RBPMS: variants seen among roughly 807,000 people sequenced by gnomAD.
The protein encoded by RBPMS is RNA-binding protein with multiple splicing.
RBPMS carries 7 observed loss-of-function variants against 26.8 expected under a neutral mutation model. The ratio of observed to expected loss-of-function variants is 0.26; its 90% CI spans 0.15 to 0.49. The LOEUF (loss-of-function observed/expected upper bound fraction) is 0.49. Among genes scored for constraint, RBPMS ranks in the 20% least tolerant of loss-of-function variants. RBPMS has a pLI of 0.98. For missense variants in RBPMS, 186 were observed against 250.0 expected (o/e 0.74, Z 1.73); for synonymous variants, 96 against 93.3 (o/e 1.03, Z -0.17).
chr8:30,526,558 C>T (rs1002138335), intron 5 of RBPMS, among the ~76,000 whole-genome samples: 1 of 152,150 alleles, frequency 6.6e-6, no homozygotes, highest in African/African-American at 2.4e-5. Flanking sequence ...CTGGGAAGCC[C>T]TCAGGTTGCT....
chr8:30,511,889 T>C (rs1821758313), intron 5 of RBPMS, among the ~76,000 whole-genome samples: 1 of 152,162 alleles, frequency 6.6e-6, no homozygotes, highest in Admixed American at 6.5e-5. Context: ...GCATTAACTG[T>C]AAAATGTTAG....
chr8:30,492,572 T>C (rs1044807568), intron 4 of RBPMS, among the ~76,000 whole-genome samples: 2 of 152,190 alleles, frequency 1.3e-5, no homozygotes, highest in African/African-American at 4.8e-5. Context: ...TCCTGGGTTT[T>C]GTACTTGGCA....
At chr8:30,410,593 TATATAA>T (rs1809252888) in intron 1 of RBPMS, among the ~76,000 whole-genome samples, 1 of 151,968 alleles carries the variant, frequency 6.6e-6, no homozygotes, top group Non-Finnish European at 1.5e-5. Context: ...TAGATATGTA[TATATAA>T]ATATAAATAA....
At chr8:30,556,656 A>T in intron 6 of RBPMS, 2 of 986,010 alleles carry the variant, frequency 2.0e-6, no homozygotes, top group Non-Finnish European at 2.4e-6. Flanking sequence ...CTGTGTGTTT[A>T]GGTGTCCAGC....
At chr8:30,491,485 C>T (rs1819385495) in intron 4 of RBPMS, among the ~76,000 whole-genome samples, 1 of 151,966 alleles carries the variant, frequency 6.6e-6, no homozygotes, top group African/African-American at 2.4e-5. Context: ...CTGTTGGGGG[C>T]TGGGGGGCTG....
chr8:30,482,396 A>G (rs771641582), intron 4 of RBPMS, among the ~76,000 whole-genome samples: 1 of 152,212 alleles, frequency 6.6e-6, no homozygotes, highest in Admixed American at 6.5e-5. Context: ...CTTCAGTGTT[A>G]TGAACGACTT....
intron 1 of RBPMS, among the ~76,000 whole-genome samples, chr8:30,416,608 G>A (rs1338802736): frequency 1.3e-5 from 2 of 151,918 alleles, no homozygotes; most frequent in Admixed American, 1.3e-4. Context: ...TCAGCCTCCC[G>A]AGTAGCTGGG....
intron 1 of RBPMS, among the ~76,000 whole-genome samples, chr8:30,414,601 A>T (rs962900381): frequency 2.0e-5 from 3 of 152,248 alleles, no homozygotes; most frequent in Non-Finnish European, 4.4e-5. Flanking sequence ...CCAGACCCAG[A>T]AAACAAATTC....
At chr8:30,428,816 A>G (rs904564452) in intron 1 of RBPMS, among the ~76,000 whole-genome samples, 1 of 151,908 alleles carries the variant, frequency 6.6e-6, no homozygotes, top group Admixed American at 6.6e-5. Context: ...CATGTACACT[A>G]TTTTAATGGT....
intron 4 of RBPMS, among the ~76,000 whole-genome samples, chr8:30,482,774 T>C (rs1423244851): frequency 6.6e-6 from 1 of 152,182 alleles, no homozygotes; most frequent in East Asian, 1.9e-4. Context: ...GACAGCAAAA[T>C]ATCTGACCTA....
chr8:30,490,157 C>T (rs1296215881), intron 4 of RBPMS, among the ~76,000 whole-genome samples: 1 of 152,138 alleles, frequency 6.6e-6, no homozygotes, highest in African/African-American at 2.4e-5. Flanking sequence ...CCTCAAATTC[C>T]AGTGGATTCA....
At position 30,571,308 on chromosome 8, in the gene RBPMS, C is replaced by G. The variant is rs1828242785; in HGVS notation, c.*783C>G. 6.6e-6 allele frequency: 1 copy of G among 152,254 alleles called. No individual in the cohort carries two copies. 9.4% of individuals were successfully genotyped at this position (152,254 alleles called of 1,614,324 possible). ...AAAGCCCTAGTAGCTCCAGCTGTGACTATATCAACTGTGTGCCAAGTGTGA... is the reference window on the plus strand; with the variant it reads ...AAAGCCCTAGTAGCTCCAGCTGTGAGTATATCAACTGTGTGCCAAGTGTGA... On this transcript the variant is annotated 3_prime_UTR_variant, in exon 9 of 9. Transcript: ENST00000397323.
intron 1 of RBPMS, among the ~76,000 whole-genome samples, chr8:30,462,053 C>T (rs1003542657): frequency 1.3e-5 from 2 of 151,616 alleles, no homozygotes; most frequent in African/African-American, 4.8e-5. Flanking sequence ...TGATTAGTAT[C>T]CCATGTTATG....
intron 1 of RBPMS, among the ~76,000 whole-genome samples, chr8:30,422,256 C>T (rs1810882016): frequency 6.6e-6 from 1 of 151,784 alleles, no homozygotes; most frequent in South Asian, 2.1e-4. Context: ...ACTGGGATTA[C>T]AGGCACCCTC....
chr8:30,385,412 G>C, intron 1 of RBPMS: 4 of 348,804 alleles, frequency 1.1e-5, no homozygotes, highest in Non-Finnish European at 2.1e-5. Context: ...GCTCAGCTTT[G>C]TTTGCCCGGG....
chr8:30,559,880 T>C (rs1436908163), intron 7 of RBPMS, among the ~76,000 whole-genome samples: 2 of 152,220 alleles, frequency 1.3e-5, no homozygotes, highest in African/African-American at 4.8e-5. Flanking sequence ...TATTGTAAGA[T>C]AAAAATACTT....
intron 6 of RBPMS, chr8:30,545,095 A>AG (rs1323473814): frequency 2.3e-6 from 3 of 1,332,668 alleles, no homozygotes; most frequent in East Asian, 3.9e-5. Context: ...GAAAGCTTCC[A>AG]GGGGGGAAGG....
In RBPMS at chr8:30,478,501, A is replaced by ATT. The variant is rs199724683; in HGVS notation, c.183+680_183+681dup. Among the ~76,000 whole-genome samples, 544 of 139,786 alleles carry ATT rather than the reference A, an allele frequency of 3.9e-3. 3 individuals are homozygous for ATT. Among genetic ancestry groups the ATT allele is most frequent in the African/African-American group, 6.3e-3 (238 of 37,684 alleles). 91.7% of individuals were successfully genotyped at this position (139,786 alleles called of 152,430 possible). A position where few individuals can be genotyped will look rare whatever the true frequency, so the allele number is the denominator to read the frequency against. ...TCAGAACAGCCTAATTAAGAATATG[A>ATT]TTTTTTTTTTTTTTTTTGAGACGGA... is the stretch of plus-strand genomic sequence containing the variant. On this transcript the variant is annotated intron_variant, in intron 3 of 8. Coordinates refer to ENST00000397323, the MANE Select transcript of RBPMS (RefSeq NM_001008710.3).
At chr8:30,540,671 C>T (rs1221548217) in intron 5 of RBPMS, among the ~76,000 whole-genome samples, 1 of 152,204 alleles carries the variant, frequency 6.6e-6, no homozygotes, top group Non-Finnish European at 1.5e-5. Context: ...GATCTTCTTC[C>T]TCCTGCTTCT....
Sources: gnomAD v4.1 joint callset for allele counts (sites outside exome capture counted in the v4.1 genomes callset) on GRCh38, gnomAD v4.1.1 for gene constraint, MANE v1.5 for transcripts, NCBI Gene and HGNC (gene_info 2026-07-23, HGNC 2026-07-21) for gene names.